The following CDKN2B-AS1 variants were observed in gnomAD, a reference collection of about 807,000 sequenced individuals.
The protein encoded by CDKN2B-AS1 is CDKN2B and CDKN2A antisense cis and trans regulatory RNA 1.
rs1249468689 is a variant in CDKN2B-AS1, at chr9:21,999,118, GAC to G, written n.29+3959_29+3960del. Among the ~76,000 whole-genome samples the G allele has an allele frequency of 6.6e-6, 1 of 151,998 alleles. No homozygotes were observed. Among genetic ancestry groups the G allele is most frequent in the African/African-American group, 2.4e-5 (1 of 41,418 alleles). ...TGGCAAAAAGAAAAAAGACTACTTT[GAC>G]AAAGTTGTCAGGAAACAATCACTCT... On this transcript the variant is annotated intron_variant and non_coding_transcript_variant, in intron 1 of 4. Transcript: ENST00000650946. The surrounding 1 kb of genome is among the most constrained non-coding windows in gnomAD (Gnocchi z 4.7).
At chr9:22,115,298 T>G (rs1051407480) in intron 4 of CDKN2B-AS1, among the ~76,000 whole-genome samples, 1 of 152,174 alleles carries the variant, frequency 6.6e-6, no homozygotes, top group Non-Finnish European at 1.5e-5. Flanking sequence ...GGGGAAGGTG[T>G]CCCTTAGTGA....
chr9:22,077,008 A>T (rs923929194), intron 4 of CDKN2B-AS1, among the ~76,000 whole-genome samples: 4 of 152,160 alleles, frequency 2.6e-5, no homozygotes, highest in Admixed American at 1.3e-4. Flanking sequence ...TATTAACTAT[A>T]GTTGGCAGGT....
chr9:22,014,980 A>G (rs201482971), intron 1 of CDKN2B-AS1, among the ~76,000 whole-genome samples: 93 of 152,126 alleles, frequency 6.1e-4, no homozygotes, highest in Non-Finnish European at 9.3e-4. Context: ...TGGTGTATAT[A>G]TGCCACATTT....
intron 4 of CDKN2B-AS1, among the ~76,000 whole-genome samples, chr9:22,075,145 C>T (rs893461996): frequency 1.3e-5 from 2 of 152,150 alleles, no homozygotes; most frequent in African/African-American, 4.8e-5. Context: ...TCAGGCATGA[C>T]AAAATACATG....
intron 4 of CDKN2B-AS1, among the ~76,000 whole-genome samples, chr9:22,068,200 A>G (rs535399542): frequency 3.3e-5 from 5 of 152,296 alleles, no homozygotes; most frequent in African/African-American, 1.2e-4. Flanking sequence ...AAGTTTAATC[A>G]GACAACTCCA....
At chr9:22,065,632 T>C (rs1433005702) in intron 4 of CDKN2B-AS1, 1 of 152,146 alleles carries the variant, frequency 6.6e-6, no homozygotes. Context: ...TTATCACTTT[T>C]CTACTGACAG....
intron 4 of CDKN2B-AS1, among the ~76,000 whole-genome samples, chr9:22,125,372 A>G (rs1258427899): frequency 1.3e-5 from 2 of 152,394 alleles, no homozygotes; most frequent in African/African-American, 4.8e-5. Context: ...TGAAATATTT[A>G]TAAAATACAA....
chr9:22,098,790 C>T (rs551313618), intron 4 of CDKN2B-AS1, among the ~76,000 whole-genome samples: 1 of 152,286 alleles, frequency 6.6e-6, no homozygotes, highest in South Asian at 2.1e-4. Context: ...CTTCTGACTT[C>T]AGATCCCATG....
At chr9:22,097,989 G>A (rs553547946) in intron 4 of CDKN2B-AS1, among the ~76,000 whole-genome samples, 1 of 152,262 alleles carries the variant, frequency 6.6e-6, no homozygotes, top group East Asian at 1.9e-4. Context: ...GAGTTGTGAT[G>A]TGAAGCAATA....
At chr9:22,051,659 A>G (rs1280725206) in intron 3 of CDKN2B-AS1, among the ~76,000 whole-genome samples, 2 of 152,176 alleles carry the variant, frequency 1.3e-5, no homozygotes, top group South Asian at 2.1e-4. Flanking sequence ...TCATATAGGA[A>G]CTATGAAAGC....
intron 4 of CDKN2B-AS1, among the ~76,000 whole-genome samples, chr9:22,079,454 C>T (rs961866545): frequency 1.3e-5 from 2 of 149,866 alleles, no homozygotes; most frequent in Non-Finnish European, 2.9e-5. Flanking sequence ...TGCCTCTGTA[C>T]TCCAGCTTGG....
intron 1 of CDKN2B-AS1, among the ~76,000 whole-genome samples, chr9:22,009,566 C>G (rs1241742924): frequency 6.6e-6 from 1 of 152,246 alleles, no homozygotes; most frequent in African/African-American, 2.4e-5. Flanking sequence ...GAATGTTCAC[C>G]ACTGCCCTCA....
chr9:22,015,058 C>T (rs7045307), intron 1 of CDKN2B-AS1, among the ~76,000 whole-genome samples: 14,715 of 151,698 alleles, frequency 0.097, 2,382 homozygotes, highest in African/African-American at 0.34. Context: ...TGAATAGTGC[C>T]GCAATAAACA....
At chr9:22,023,801 C>G (rs896246413) in intron 1 of CDKN2B-AS1, among the ~76,000 whole-genome samples, 1 of 152,188 alleles carries the variant, frequency 6.6e-6, no homozygotes, top group African/African-American at 2.4e-5. Flanking sequence ...TTACATTCTT[C>G]TGTATTCTAG....
chr9:22,126,242 A>C (rs190203239), intron 4 of CDKN2B-AS1, among the ~76,000 whole-genome samples: 2 of 152,326 alleles, frequency 1.3e-5, no homozygotes, highest in East Asian at 3.9e-4. Flanking sequence ...TTCCAGGGCA[A>C]TCATACATCC....
intron 4 of CDKN2B-AS1, among the ~76,000 whole-genome samples, chr9:22,100,546 T>G (rs1390921999): frequency 6.6e-6 from 1 of 152,218 alleles, no homozygotes. Flanking sequence ...ATACCACCTT[T>G]TGTTTTTCTG....
chr9:22,086,454 A>C (rs1404406154), intron 4 of CDKN2B-AS1, among the ~76,000 whole-genome samples: 1 of 152,218 alleles, frequency 6.6e-6, no homozygotes, highest in Non-Finnish European at 1.5e-5. Flanking sequence ...TAAAACATTT[A>C]CAAGTCCCAA....
At chr9:22,072,285 C>G (rs1377707690) in intron 4 of CDKN2B-AS1, among the ~76,000 whole-genome samples, 3 of 152,072 alleles carry the variant, frequency 2.0e-5, no homozygotes, top group Non-Finnish European at 2.9e-5. Flanking sequence ...TATAATGAAG[C>G]AATTAATTTG....
At chr9:22,008,891 G>C (rs1276432973) in intron 1 of CDKN2B-AS1, 1 of 1,612,618 alleles carries the variant, frequency 6.2e-7, no homozygotes, top group South Asian at 1.1e-5. Flanking sequence ...CCCGCGCCGC[G>C]GCGCTGGCCA....
Sources: allele counts gnomAD v4.1 joint callset (sites outside exome capture counted in the v4.1 genomes callset), GRCh38; gene constraint gnomAD v4.1.1; non-coding constraint Gnocchi (gnomAD v3.1); transcripts MANE v1.5; gene names NCBI Gene and HGNC (gene_info 2026-07-23, HGNC 2026-07-21).